Variants in ROBO2 observed in about 807,000 individuals in gnomAD.
The protein encoded by ROBO2 is roundabout homolog 2.
Under a neutral mutation model 160.8 loss-of-function variants are expected in ROBO2, and 53 were observed. That is an observed-to-expected ratio of 0.33 (90% CI 0.26 to 0.41). ROBO2 has a LOEUF of 0.41. Ranked by LOEUF, ROBO2 falls within the 10% of genes least tolerant of loss-of-function variation. The probability of loss-of-function intolerance (pLI) is 1.00; values close to 1 mark genes in which losing one functional copy is unlikely to be tolerated. For missense variants in ROBO2, 1,577 were observed against 1,722.4 expected, an observed-to-expected ratio of 0.92 and a Z score of 1.49; for synonymous variants, 664 against 611.7, an observed-to-expected ratio of 1.09 and a Z score of -1.26.
intron 1 of ROBO2, among the ~76,000 whole-genome samples, chr3:77,096,277 T>A (rs1261236678): frequency 1.3e-5 from 2 of 152,110 alleles, no homozygotes; most frequent in African/African-American, 4.8e-5. Flanking sequence ...CCATATATGG[T>A]GATTCCTCTC....
chr3:75,985,192 A>C (rs1172511636), intron 2 of ROBO2, among the ~76,000 whole-genome samples: 2 of 151,498 alleles, frequency 1.3e-5, no homozygotes, highest in Non-Finnish European at 3.0e-5. Flanking sequence ...CCACCTAGCA[A>C]ACTTTCCTAC....
chr3:76,882,593 C>G (rs1018838749), intron 2 of ROBO2, among the ~76,000 whole-genome samples: 1 of 151,922 alleles, frequency 6.6e-6, no homozygotes, highest in African/African-American at 2.4e-5. Context: ...TCTTAGCATA[C>G]TCAACAAAAA....
intron 2 of ROBO2, among the ~76,000 whole-genome samples, chr3:76,072,592 A>G (rs554994745): frequency 6.6e-6 from 1 of 152,224 alleles, no homozygotes; most frequent in Admixed American, 6.5e-5. Flanking sequence ...AAGACCTACA[A>G]ACTCCTCTTG....
intron 2 of ROBO2, among the ~76,000 whole-genome samples, chr3:76,910,536 G>T (rs926371743): frequency 6.6e-6 from 1 of 151,664 alleles, no homozygotes; most frequent in African/African-American, 2.4e-5. Flanking sequence ...GACCATCCTG[G>T]CCAGCATGGT....
At chr3:76,847,499 A>G (rs149165238) in intron 2 of ROBO2, among the ~76,000 whole-genome samples, 2,272 of 152,308 alleles carry the variant, frequency 0.015, 17 homozygotes, top group Middle Eastern at 0.024. Context: ...GGAGAGTGAT[A>G]CTTTTCTCTA....
At chr3:76,062,281 A>G (rs1462909077) in intron 2 of ROBO2, among the ~76,000 whole-genome samples, 2 of 152,020 alleles carry the variant, frequency 1.3e-5, no homozygotes, top group African/African-American at 2.4e-5. Flanking sequence ...TCAAAACAGC[A>G]CGTCTAAAAT....
At chr3:76,462,740 C>T (rs1265626613) in intron 2 of ROBO2, among the ~76,000 whole-genome samples, 1 of 152,118 alleles carries the variant, frequency 6.6e-6, no homozygotes, top group Non-Finnish European at 1.5e-5. Context: ...TATAAAAGTG[C>T]TATGTATTCA....
chr3:77,305,817 T>C (rs1377995760), intron 2 of ROBO2, among the ~76,000 whole-genome samples: 1 of 152,174 alleles, frequency 6.6e-6, no homozygotes, highest in Non-Finnish European at 1.5e-5. Context: ...TATTCGACGT[T>C]CTCCAGATGG....
At chr3:76,741,087 C>T (rs2093794785) in intron 2 of ROBO2, among the ~76,000 whole-genome samples, 2 of 151,834 alleles carry the variant, frequency 1.3e-5, no homozygotes, top group African/African-American at 4.8e-5. Flanking sequence ...TCTGTTAGTC[C>T]CTGTAGGACA....
At chr3:77,454,120 C>T (rs1413454704) in intron 2 of ROBO2, among the ~76,000 whole-genome samples, 18 of 139,664 alleles carry the variant, frequency 1.3e-4, no homozygotes, top group Admixed American at 9.3e-4. Context: ...TTACTCTGGG[C>T]TTTTTTTTTT....
chr3:76,568,111 T>G (rs1480185096), intron 2 of ROBO2, among the ~76,000 whole-genome samples: 1 of 151,488 alleles, frequency 6.6e-6, no homozygotes, highest in Non-Finnish European at 1.5e-5. Context: ...CACTGCACCC[T>G]GCTTACATAA....
intron 2 of ROBO2, among the ~76,000 whole-genome samples, chr3:76,893,571 T>C (rs548199320): frequency 4.6e-5 from 7 of 152,272 alleles, no homozygotes; most frequent in South Asian, 2.1e-4. Flanking sequence ...ATATGGGTTA[T>C]ATGCAATATT....
intron 2 of ROBO2, among the ~76,000 whole-genome samples, chr3:76,711,619 G>A (rs929918676): frequency 2.0e-5 from 3 of 152,132 alleles, no homozygotes; most frequent in Non-Finnish European, 4.4e-5. Flanking sequence ...GTGCAAGAAC[G>A]CCTAACGTAC....
At chr3:77,370,843 A>ACAAGAGAC (rs2071645080) in intron 2 of ROBO2, among the ~76,000 whole-genome samples, 1 of 152,172 alleles carries the variant, frequency 6.6e-6, no homozygotes, top group Admixed American at 6.5e-5. Flanking sequence ...AGAGTTGATA[A>ACAAGAGAC]CAAGAGACCG....
intron 2 of ROBO2, among the ~76,000 whole-genome samples, chr3:76,085,856 C>T (rs1344628722): frequency 6.6e-6 from 1 of 152,148 alleles, no homozygotes; most frequent in East Asian, 1.9e-4. Flanking sequence ...TGCATTTGAG[C>T]TCTAAGAACT....
intron 2 of ROBO2, among the ~76,000 whole-genome samples, chr3:76,163,705 T>C (rs1266437284): frequency 6.6e-6 from 1 of 151,996 alleles, no homozygotes; most frequent in Non-Finnish European, 1.5e-5. Flanking sequence ...TACTACAGCC[T>C]AAGTGTGCAA....
intron 1 of ROBO2, among the ~76,000 whole-genome samples, chr3:77,094,091 T>C (rs532315214): frequency 3.3e-5 from 5 of 152,284 alleles, no homozygotes; most frequent in African/African-American, 4.8e-5. Context: ...TTAGAATATT[T>C]TCATCATCCC....
chr3:77,333,310 A>G (rs868537058), intron 2 of ROBO2, among the ~76,000 whole-genome samples: 22 of 152,214 alleles, frequency 1.4e-4, no homozygotes, highest in Middle Eastern at 3.2e-3. Flanking sequence ...ATTTCCTCAG[A>G]CATTACTTTC....
chr3:76,553,897 G>T (rs2083559640), intron 2 of ROBO2, among the ~76,000 whole-genome samples: 4 of 152,186 alleles, frequency 2.6e-5, no homozygotes, highest in Non-Finnish European at 5.9e-5. Context: ...TATCATGGGT[G>T]TGGAAAACAG....
Sources: allele counts gnomAD v4.1 joint callset (sites outside exome capture counted in the v4.1 genomes callset), GRCh38; gene constraint gnomAD v4.1.1; transcripts MANE v1.5; gene names NCBI Gene and HGNC (gene_info 2026-07-23, HGNC 2026-07-21).